Variants in C1GALT1 observed in about 807,000 individuals in gnomAD.
C1GALT1 encodes the protein core 1 synthase, glycoprotein-N-acetylgalactosamine 3-beta-galactosyltransferase 1, also known as glycoprotein-N-acetylgalactosamine 3-beta-galactosyltransferase 1.
In C1GALT1, 11 loss-of-function variants were observed where a neutral mutation model predicts 31.0. The ratio of observed to expected loss-of-function variants is 0.36; its 90% CI spans 0.22 to 0.59. The LOEUF (loss-of-function observed/expected upper bound fraction) is 0.59, where lower values mean the gene tolerates loss of function less well. Ranked by LOEUF, C1GALT1 falls within the 20% of genes least tolerant of loss-of-function variation. C1GALT1 has a pLI of 0.79. For synonymous variants in C1GALT1, 175 were observed against 143.6 expected (o/e 1.22, Z -1.56); for missense variants, 424 against 425.2 (o/e 1.00, Z 0.03).
At position 7,202,560 on chromosome 7, in the gene C1GALT1, A is replaced by G. The variant is rs148365279; in HGVS notation, c.-18+19740A>G. On this transcript the variant is annotated intron_variant, in intron 1 of 3. Coordinates refer to ENST00000436587, the MANE Select transcript of C1GALT1 (RefSeq NM_020156.5). ...AAGTGAGATGCTTTTTTTCCTCTGA[A>G]TTCTTTATTTCATTGTTCTGTATGT... Among the ~76,000 whole-genome samples, 6 of 152,138 alleles carry G rather than the reference A, an allele frequency of 3.9e-5. No individual in the cohort carries two copies. The East Asian group carries it at 1.2e-3, about 29-fold the overall frequency.
At chr7:7,179,740 G>C (rs1412187138), upstream of C1GALT1, among the ~76,000 whole-genome samples, 1 of 151,688 alleles carries the variant, frequency 6.6e-6, no homozygotes, top group Non-Finnish European at 1.5e-5. Context: ...GCCCTCCAAA[G>C]CAACCATGGA....
At chr7:7,217,859 TC>T (rs1483686768) in intron 1 of C1GALT1, among the ~76,000 whole-genome samples, 3 of 152,108 alleles carry the variant, frequency 2.0e-5, no homozygotes, top group African/African-American at 7.2e-5. Context: ...GTTTGGTAAA[TC>T]AGGCAGCATA....
At chr7:7,220,794 A>C (rs1020670326) in intron 1 of C1GALT1, among the ~76,000 whole-genome samples, 5 of 152,226 alleles carry the variant, frequency 3.3e-5, no homozygotes, top group African/African-American at 1.2e-4. Flanking sequence ...TGCTGGGATT[A>C]CAGGTGCGCC....
intron 1 of C1GALT1, among the ~76,000 whole-genome samples, chr7:7,202,748 C>G (rs1326716338): frequency 2.6e-5 from 4 of 152,132 alleles, no homozygotes; most frequent in Admixed American, 2.6e-4. Flanking sequence ...GGATTTTTCT[C>G]TTTCTGCAGA....
chr7:7,193,163 C>T (rs553720535), intron 1 of C1GALT1, among the ~76,000 whole-genome samples: 1 of 152,126 alleles, frequency 6.6e-6, no homozygotes, highest in South Asian at 2.1e-4. Flanking sequence ...AATTAAGTCC[C>T]ATCTATTTGT....
intron 3 of C1GALT1, among the ~76,000 whole-genome samples, chr7:7,240,893 A>G (rs868726235): frequency 1.6e-4 from 24 of 152,002 alleles, no homozygotes; most frequent in Middle Eastern, 3.2e-3. Context: ...TCTATATACT[A>G]ATTACTGAAA....
At chr7:7,224,893 T>C (rs1375589142) in intron 1 of C1GALT1, among the ~76,000 whole-genome samples, 1 of 152,112 alleles carries the variant, frequency 6.6e-6, no homozygotes, top group African/African-American at 2.4e-5. Flanking sequence ...TTTAAGTGTA[T>C]TAAGCGTATT....
chr7:7,243,968 A>C lies in C1GALT1; in HGVS notation c.*241A>C, dbSNP rs1455673800. The stretch of plus-strand genomic sequence containing the variant: ...TATATATGAGGAACTTGTGTTTTTT[A>C]AATGGTGGCCAGGTAGAGGAACTAG... On this transcript the variant is annotated 3_prime_UTR_variant, in exon 4 of 4. Coordinates refer to ENST00000436587, the MANE Select transcript of C1GALT1 (RefSeq NM_020156.5). The C allele has an allele frequency of 3.8e-6, 1 of 265,310 alleles. No individual in the cohort carries two copies. Among genetic ancestry groups the C allele is most frequent in the Non-Finnish European group, 7.0e-6 (1 of 142,544 alleles). 16.4% of individuals were successfully genotyped at this position (265,310 alleles called of 1,614,324 possible).
chr7:7,224,266 T>G (rs1782649014), intron 1 of C1GALT1, among the ~76,000 whole-genome samples: 2 of 151,664 alleles, frequency 1.3e-5, no homozygotes, highest in Admixed American at 6.6e-5. Flanking sequence ...TAGTTTTTTT[T>G]GGTTTTTTTT....
intron 1 of C1GALT1, among the ~76,000 whole-genome samples, chr7:7,208,653 C>T (rs925413652): frequency 2.6e-5 from 4 of 152,186 alleles, no homozygotes; most frequent in African/African-American, 9.7e-5. Context: ...GGTGGAGGTA[C>T]AACCACAATG....
chr7:7,182,946 T>G (rs1225727884), intron 1 of C1GALT1, 126 bp downstream of exon 1: 2 of 671,344 alleles, frequency 3.0e-6, no homozygotes, highest in Non-Finnish European at 3.7e-6. Context: ...GCGGAACAGG[T>G]GTCTCGGGGT....
At chr7:7,196,325 G>C (rs1460603481) in intron 1 of C1GALT1, among the ~76,000 whole-genome samples, 1 of 150,130 alleles carries the variant, frequency 6.7e-6, no homozygotes, top group Non-Finnish European at 1.5e-5. Context: ...TTGGTTTTCT[G>C]TCCTTGCGAT....
chr7:7,178,621 T>A (rs1447167042), upstream of C1GALT1, among the ~76,000 whole-genome samples: 2 of 152,198 alleles, frequency 1.3e-5, no homozygotes, highest in African/African-American at 4.8e-5. Context: ...TCACACTACA[T>A]CTCTCTATAA....
chr7:7,226,762 G>A (rs1782778615), intron 1 of C1GALT1, among the ~76,000 whole-genome samples: 1 of 152,250 alleles, frequency 6.6e-6, no homozygotes, highest in South Asian at 2.1e-4. Flanking sequence ...GAGGAGTTGT[G>A]ATTAAAAAGG....
intron 2 of C1GALT1, among the ~76,000 whole-genome samples, chr7:7,173,176 C>A (rs1185900336): frequency 2.0e-5 from 3 of 151,998 alleles, no homozygotes; most frequent in African/African-American, 7.3e-5. Flanking sequence ...GAATGGCCAT[C>A]CCCTTGGTAA....
chr7:7,231,048 T>G (rs1355366246), intron 1 of C1GALT1, among the ~76,000 whole-genome samples: 4 of 152,220 alleles, frequency 2.6e-5, no homozygotes, highest in African/African-American at 9.6e-5. Flanking sequence ...GAAATAGAAC[T>G]GTTAGTGATA....
At chr7:7,221,475 A>G (rs550801294) in intron 1 of C1GALT1, among the ~76,000 whole-genome samples, 2 of 145,722 alleles carry the variant, frequency 1.4e-5, no homozygotes, top group Non-Finnish European at 3.1e-5. Context: ...TTTAAATGTG[A>G]CTGTTTGTCT....
intron 3 of C1GALT1, among the ~76,000 whole-genome samples, chr7:7,242,534 C>G (rs1183673100): frequency 6.6e-6 from 1 of 152,002 alleles, no homozygotes; most frequent in Admixed American, 6.6e-5. Flanking sequence ...TCTCTTGGAA[C>G]TTGCCAGACT....
chr7:7,246,437 G>A lies in C1GALT1; in HGVS notation c.*2710G>A, dbSNP rs1783848213. On this transcript the variant is annotated 3_prime_UTR_variant, in exon 4 of 4. Transcript: ENST00000436587. ...ATTGTCACAGTGATTCTTAAACTGT[G>A]GTTCTCACACTTGCCCAGGATGTTG... 1 of 152,138 alleles carries A rather than the reference G, an allele frequency of 6.6e-6. No individual in the cohort carries two copies. Among genetic ancestry groups the A allele is most frequent in the Admixed American group, 6.5e-5 (1 of 15,272 alleles). The allele number at this position is 152,138 out of a possible 1,614,324, so 9.4% of individuals were successfully genotyped here.
Sources: allele counts gnomAD v4.1 joint callset (sites outside exome capture counted in the v4.1 genomes callset), GRCh38; gene constraint gnomAD v4.1.1; transcripts MANE v1.5; gene names NCBI Gene and HGNC (gene_info 2026-07-23, HGNC 2026-07-21).